Variants in CERS6 observed in about 807,000 individuals in gnomAD.
The protein encoded by CERS6 is ceramide synthase 6.
A neutral mutation model predicts 56.8 loss-of-function variants in CERS6; 26 were observed. That is an observed-to-expected ratio of 0.46 (90% CI 0.34 to 0.63). CERS6 has a LOEUF of 0.63. CERS6 is among the 30% of genes least tolerant of loss of function. CERS6 has a pLI of 0.01. For missense variants in CERS6, 415 were observed against 467.5 expected (o/e 0.89, Z 1.04); for synonymous variants, 164 against 173.3 (o/e 0.95, Z 0.42).
intron 1 of CERS6, among the ~76,000 whole-genome samples, chr2:168,489,484 T>TC (rs1694329988): frequency 6.6e-6 from 1 of 151,830 alleles, no homozygotes; most frequent in African/African-American, 2.4e-5. Flanking sequence ...TTTTTTTTTT[T>TC]TTTTCTGGAA....
chr2:168,582,269 C>T (rs926601285), intron 3 of CERS6, among the ~76,000 whole-genome samples: 10 of 152,244 alleles, frequency 6.6e-5, no homozygotes, highest in African/African-American at 2.4e-4. Flanking sequence ...CTAGATTCTT[C>T]CCCCTTTCCT....
intron 3 of CERS6, among the ~76,000 whole-genome samples, chr2:168,579,694 C>T (rs1252643598): frequency 2.6e-5 from 4 of 152,186 alleles, no homozygotes; most frequent in African/African-American, 7.2e-5. Flanking sequence ...GAGCCCTCCC[C>T]GTCTCTGCTG....
Position 168,698,117 on chromosome 2 carries a change from G to A in CERS6, c.609+3066G>A, listed in dbSNP as rs144586499. On this transcript the variant is annotated intron_variant, in intron 6 of 9. Coordinates refer to ENST00000305747, the MANE Select transcript of CERS6 (RefSeq NM_203463.3). ...TCAAGACCAGCCTGAGCAACATGAC[G>A]AAACCCTGTCTGTATAAAATATACA... Among the ~76,000 whole-genome samples the A allele has an allele frequency of 5.4e-4, 82 of 151,892 alleles. No individual in the cohort carries two copies. In the East Asian group the frequency reaches 0.014, roughly 27 times the overall value.
chr2:168,478,496 T>C (rs1368587513), intron 1 of CERS6, among the ~76,000 whole-genome samples: 1 of 152,186 alleles, frequency 6.6e-6, no homozygotes, highest in Non-Finnish European at 1.5e-5. Context: ...TTTCTGGCAT[T>C]CTCTAGTCTA....
chr2:168,586,703 G>A (rs1420445262), intron 3 of CERS6, among the ~76,000 whole-genome samples: 3 of 152,086 alleles, frequency 2.0e-5, no homozygotes, highest in African/African-American at 7.2e-5. Flanking sequence ...AATTCTGTCT[G>A]TACCCCTGAT....
At chr2:168,590,207 A>G (rs1683640288) in intron 3 of CERS6, among the ~76,000 whole-genome samples, 1 of 152,200 alleles carries the variant, frequency 6.6e-6, no homozygotes, top group Admixed American at 6.5e-5. Flanking sequence ...CAACTAGGAG[A>G]GGATATGGTC....
chr2:168,547,444 A>C, intron 1 of CERS6, 152 bp from the exon 2 acceptor site: 1 of 563,060 alleles, frequency 1.8e-6, no homozygotes, highest in South Asian at 2.2e-5. Flanking sequence ...AGTCTGCCTT[A>C]CAGTTACTGA....
intron 8 of CERS6, among the ~76,000 whole-genome samples, chr2:168,762,353 G>C (rs192305854): frequency 1.3e-5 from 2 of 152,134 alleles, no homozygotes; most frequent in African/African-American, 2.4e-5. Flanking sequence ...ATGCTCAATG[G>C]CTGGAGCTTC....
At position 168,500,060 on chromosome 2, in the gene CERS6, A is replaced by G. The variant is rs530580118; in HGVS notation, c.170+43442A>G. On this transcript the variant is annotated intron_variant, in intron 1 of 9. Coordinates refer to ENST00000305747, the MANE Select transcript of CERS6 (RefSeq NM_203463.3). ...TATAAACATAATCTGGGGGATCACA[A>G]GTGATACCCCCAAGAGTATGTTCTT... Among the ~76,000 whole-genome samples, 9 of 152,302 alleles carry G rather than the reference A, an allele frequency of 5.9e-5. No individual in the cohort carries two copies. In the South Asian group the frequency reaches 1.5e-3, roughly 25 times the overall value.
At chr2:168,659,314 A>G (rs1364162717) in intron 4 of CERS6, among the ~76,000 whole-genome samples, 3 of 152,274 alleles carry the variant, frequency 2.0e-5, no homozygotes, top group East Asian at 1.9e-4. Context: ...TCAAAAGAAC[A>G]TGAAAATAAC....
At chr2:168,534,968 G>C (rs1420820120) in intron 1 of CERS6, among the ~76,000 whole-genome samples, 3 of 152,218 alleles carry the variant, frequency 2.0e-5, no homozygotes, top group African/African-American at 7.2e-5. Context: ...ACCCAGTGAG[G>C]ATCAGGCCTG....
chr2:168,534,703 T>G (rs907603020), intron 1 of CERS6, among the ~76,000 whole-genome samples: 1 of 152,142 alleles, frequency 6.6e-6, no homozygotes, highest in Non-Finnish European at 1.5e-5. Context: ...TCTCACCCTG[T>G]TGGGTGGCAT....
intron 8 of CERS6, among the ~76,000 whole-genome samples, chr2:168,729,702 A>G (rs896273568): frequency 7.2e-5 from 11 of 152,190 alleles, no homozygotes; most frequent in African/African-American, 2.4e-4. Context: ...TGCCAAGGAG[A>G]CGGAACCACA....
chr2:168,495,117 T>C (rs1374937531), intron 1 of CERS6, among the ~76,000 whole-genome samples: 1 of 152,190 alleles, frequency 6.6e-6, no homozygotes, highest in Non-Finnish European at 1.5e-5. Flanking sequence ...ATGAACAAAA[T>C]TGTCCTCATT....
intron 1 of CERS6, among the ~76,000 whole-genome samples, chr2:168,507,753 T>C (rs555605461): frequency 6.6e-6 from 1 of 152,204 alleles, no homozygotes; most frequent in Non-Finnish European, 1.5e-5. Context: ...GATAGCAAAA[T>C]GATGCTTTCT....
At chr2:168,745,471 G>A (rs1574214407) in intron 8 of CERS6, among the ~76,000 whole-genome samples, 1 of 152,092 alleles carries the variant, frequency 6.6e-6, no homozygotes, top group Admixed American at 6.5e-5. Context: ...TTGATCTCCT[G>A]ACCTTGTGAT....
At chr2:168,765,322 T>G (rs1684699619) in intron 8 of CERS6, among the ~76,000 whole-genome samples, 1 of 152,194 alleles carries the variant, frequency 6.6e-6, no homozygotes, top group Non-Finnish European at 1.5e-5. Flanking sequence ...GTCAAGATGG[T>G]AAATTTTATG....
At chr2:168,517,568 G>A (rs1375393758) in intron 1 of CERS6, among the ~76,000 whole-genome samples, 2 of 151,642 alleles carry the variant, frequency 1.3e-5, no homozygotes, top group African/African-American at 4.8e-5. Context: ...ACAAGTGGAT[G>A]GTGTGGTTGT....
chr2:168,535,041 G>A (rs2105364796), intron 1 of CERS6, among the ~76,000 whole-genome samples: 1 of 152,328 alleles, frequency 6.6e-6, no homozygotes, highest in East Asian at 1.9e-4. Flanking sequence ...ACACGTCTTG[G>A]GACCAAGCCG....
Sources: gnomAD v4.1 joint callset for allele counts (sites outside exome capture counted in the v4.1 genomes callset) on GRCh38, gnomAD v4.1.1 for gene constraint, MANE v1.5 for transcripts, NCBI Gene and HGNC (gene_info 2026-07-23, HGNC 2026-07-21) for gene names.